HERC2: variants seen among roughly 807,000 people sequenced by gnomAD.
HERC2 encodes HECT and RLD domain containing E3 ubiquitin protein ligase 2, also known as E3 ubiquitin-protein ligase HERC2.
In HERC2, 102 loss-of-function variants were observed where a neutral mutation model predicts 537.7. The ratio of observed to expected loss-of-function variants is 0.19; its 90% CI spans 0.16 to 0.22. The LOEUF is 0.22. Among genes scored for constraint, HERC2 ranks in the 10% least tolerant of loss-of-function variants. HERC2 has a pLI of 1.00. For missense variants in HERC2, 4,236 were observed against 6,198.2 expected (o/e 0.68, Z 10.63); for synonymous variants, 2,224 against 2,466.2 (o/e 0.90, Z 2.91).
chr15:28,241,588 G>A (rs147936809), intron 23 of HERC2, among the ~76,000 whole-genome samples: 4,622 of 152,262 alleles, frequency 0.03, 99 homozygotes, highest in African/African-American at 0.057. Context: ...TTGGGAGGCC[G>A]AGGTGGGCAG....
At chr15:28,318,772 A>G (rs1360321203) in intron 2 of HERC2, among the ~76,000 whole-genome samples, 4 of 151,966 alleles carry the variant, frequency 2.6e-5, no homozygotes, top group Admixed American at 6.6e-5. Flanking sequence ...AAAGAAGTCA[A>G]TAAGTGCTCT....
chr15:28,130,453 C>G lies in HERC2; in HGVS notation c.12662+50G>C, dbSNP rs536399207. ...TCCATGAAAAGGTGGTGCACATACCCCAATAAAAATCTGGTTTTAGTGGGT... is the reference window on the plus strand; with the variant it reads ...TCCATGAAAAGGTGGTGCACATACCGCAATAAAAATCTGGTTTTAGTGGGT... On this transcript the variant is annotated intron_variant, in intron 82 of 92. Transcript: ENST00000261609. 423 of 1,582,102 alleles carry G rather than the reference C, an allele frequency of 2.7e-4. 7 individuals are homozygous for G. In the South Asian group the frequency reaches 4.4e-3, roughly 16 times the overall value.
intron 2 of HERC2, among the ~76,000 whole-genome samples, chr15:28,301,819 T>G (rs1378199331): frequency 1.2e-5 from 1 of 81,276 alleles, no homozygotes; most frequent in Non-Finnish European, 2.5e-5. Context: ...TTTTTTTTTT[T>G]GAGACGGATC....
At chr15:28,277,463 TA>T (rs34192629) in intron 5 of HERC2, among the ~76,000 whole-genome samples, 3,202 of 137,506 alleles carry the variant, frequency 0.023, 101 homozygotes, top group African/African-American at 0.085. Flanking sequence ...CACAATTATC[TA>T]AAAAAAAAAA....
At chr15:28,256,847 G>A (rs2140902034) in intron 17 of HERC2, among the ~76,000 whole-genome samples, 1 of 152,292 alleles carries the variant, frequency 6.6e-6, no homozygotes, top group African/African-American at 2.4e-5. Context: ...ACCCGCCCAG[G>A]CCTCCCAAAA....
chr15:28,303,849 T>A (rs570235592), intron 2 of HERC2, among the ~76,000 whole-genome samples: 1 of 152,308 alleles, frequency 6.6e-6, no homozygotes, highest in African/African-American at 2.4e-5. Context: ...TTTTTCATAT[T>A]GTTCACTGTT....
rs1348683929 is a variant in HERC2, at chr15:28,142,330, T to C, written c.11608A>G (p.Lys3870Glu). The C allele has an allele frequency of 6.2e-7, 1 of 1,614,224 alleles. No homozygotes were observed. The highest frequency in any genetic ancestry group is 8.5e-7 in the Non-Finnish European group (1 of 1,180,038). Residue 3870 changes from lysine (K) to glutamate (E), a missense_variant, in exon 76 of 93, where the codon AAG becomes GAG. This residue lies in a region of HERC2 where 156 missense variants were observed against 172.3 expected (regional missense o/e 0.91). Coordinates refer to ENST00000261609, the MANE Select transcript of HERC2 (RefSeq NM_004667.6). ...CAGTACCTCCGGAACCAGGCCCACT[T>C]GTGCGTCTCGGCACAGCAAGGCAGA... ...DTLPCCAETHKWAWFRRYCMA... is the reference protein window; with the variant it reads ...DTLPCCAETHEWAWFRRYCMA...
chr15:28,121,730 C>A (rs1349932971), intron 85 of HERC2, among the ~76,000 whole-genome samples: 2 of 152,216 alleles, frequency 1.3e-5, no homozygotes, highest in Non-Finnish European at 2.9e-5. Context: ...GGGCACAGAA[C>A]AGGGAGGGCT....
chr15:28,314,300 G>C (rs1273090939), intron 2 of HERC2, among the ~76,000 whole-genome samples: 2 of 152,112 alleles, frequency 1.3e-5, no homozygotes, highest in African/African-American at 4.8e-5. Context: ...CATGAAAGAA[G>C]AGCCTGAGGA....
chr15:28,300,885 A>C (rs1340277676), intron 2 of HERC2, among the ~76,000 whole-genome samples: 1 of 146,264 alleles, frequency 6.8e-6, no homozygotes, highest in Admixed American at 7.0e-5. Context: ...AGGAAAAAAA[A>C]TCAAAGAAAT....
chr15:28,117,366 A>G (rs1196277001), intron 86 of HERC2: 2 of 703,208 alleles, frequency 2.8e-6, no homozygotes, highest in Non-Finnish European at 2.6e-6. Flanking sequence ...CCCATTGGGC[A>G]TGTCGCCAGT....
rs1428494782 is a variant in HERC2 at position 28,269,472 on chromosome 15, C to T, written c.1258-36G>A. ...AGAAAGTAAACATTTCCTTTAACAACAACAACAATAAAAAAAGGCTGGGAG... is the reference window on the plus strand; with the variant it reads ...AGAAAGTAAACATTTCCTTTAACAATAACAACAATAAAAAAAGGCTGGGAG... On this transcript the variant is annotated intron_variant, in intron 10 of 92. Transcript: ENST00000261609. 2.0e-6 allele frequency: 3 copies of T among 1,527,070 alleles called. No homozygotes were observed. In the African/African-American group the frequency reaches 4.1e-5, roughly 21 times the overall value. 94.6% of individuals were successfully genotyped at this position (1,527,070 alleles called of 1,614,324 possible).
rs1173611011 is a variant in HERC2 at position 28,144,143 on chromosome 15, A to G, written c.11233T>C (p.Ser3745Pro). Residue 3745 changes from serine (S) to proline (P), a missense_variant, in exon 73 of 93, where the codon TCT becomes CCT. Transcript: ENST00000261609. ...AGGCGAGGGACGATGCTTCTGTTAG[A>G]GGCAAGGTTGAGTCGGAAGTCTAAC... ...CLLDFRLNLA[S>P]NRSIVPRLAA... The G allele has an allele frequency of 6.2e-7, 1 of 1,614,214 alleles. No homozygotes were observed.
intron 5 of HERC2, among the ~76,000 whole-genome samples, chr15:28,278,928 T>C (rs1476723172): frequency 6.6e-6 from 1 of 152,252 alleles, no homozygotes; most frequent in Non-Finnish European, 1.5e-5. Context: ...TAGTGGCTGT[T>C]AGCAAATAGT....
Position 28,162,315 on chromosome 15 carries a change from G to A in HERC2, c.10746+779C>T, listed in dbSNP as rs186045950. On this transcript the variant is annotated intron_variant, in intron 69 of 92. Transcript: ENST00000261609. ...GCCACCGCACTCCAGCCCGGGTGAA[G>A]GAGACTGTCTCAAAAACCTTAGACG... Among the ~76,000 whole-genome samples the A allele has an allele frequency of 4.9e-4, 75 of 152,280 alleles. No homozygotes were observed. In the East Asian group the frequency reaches 9.7e-3, roughly 20 times the overall value.
At chr15:28,148,554 C>T (rs1402235834) in intron 70 of HERC2, among the ~76,000 whole-genome samples, 4 of 152,146 alleles carry the variant, frequency 2.6e-5, no homozygotes, top group Non-Finnish European at 5.9e-5. Flanking sequence ...AAAGGAGCAC[C>T]CCTTACCCGA....
intron 59 of HERC2, 38 bp downstream of exon 59, chr15:28,178,849 G>A (rs1895548940): frequency 1.3e-6 from 2 of 1,588,202 alleles, no homozygotes; most frequent in African/African-American, 1.3e-5. Context: ...CAGGAGCAAA[G>A]GCCGCCCCGC....
At chr15:28,297,625 G>A (rs2595853) in intron 3 of HERC2, among the ~76,000 whole-genome samples, 3 of 152,110 alleles carry the variant, frequency 2.0e-5, no homozygotes, top group African/African-American at 7.2e-5. Flanking sequence ...ACCCGACTAC[G>A]TGATTCCATG....
intron 48 of HERC2, 61 bp from the exon 49 acceptor site, chr15:28,198,830 A>G: frequency 2.8e-6 from 4 of 1,412,106 alleles, no homozygotes; most frequent in Non-Finnish European, 3.9e-6. Flanking sequence ...ATGAGCCATG[A>G]TAAGTAGTAT....
Sources: gnomAD v4.1 joint callset for allele counts (sites outside exome capture counted in the v4.1 genomes callset) on GRCh38, gnomAD v4.1.1 for gene constraint, gnomAD v4.1.1 regional missense constraint, MANE v1.5 for transcripts, NCBI Gene and HGNC (gene_info 2026-07-23, HGNC 2026-07-21) for gene names.